The following PAG1 variants were observed in gnomAD, a reference collection of about 807,000 sequenced individuals.
PAG1 encodes the protein phosphoprotein associated with glycosphingolipid-enriched microdomains 1.
Under a neutral mutation model 31.7 loss-of-function variants are expected in PAG1, and 23 were observed. The observed-to-expected ratio is 0.73, with a 90% confidence interval of 0.52 to 1.03. The LOEUF (loss-of-function observed/expected upper bound fraction) is 1.03, where lower values mean the gene tolerates loss of function less well. PAG1 is among the 50% of genes least tolerant of loss of function. PAG1 has a pLI of 0.00. For synonymous variants in PAG1, 214 were observed against 210.3 expected, an observed-to-expected ratio of 1.02 and a Z score of -0.15; for missense variants, 473 against 540.7, an observed-to-expected ratio of 0.87 and a Z score of 1.24.
chr8:81,040,401 G>A (rs531640852), intron 2 of PAG1, among the ~76,000 whole-genome samples: 1 of 151,978 alleles, frequency 6.6e-6, no homozygotes, highest in Admixed American at 6.5e-5. Context: ...TGGTGGCTTA[G>A]CCATTTCACC....
intron 2 of PAG1, among the ~76,000 whole-genome samples, chr8:81,032,031 T>C (rs1246182940): frequency 5.3e-5 from 8 of 152,196 alleles, no homozygotes; most frequent in Non-Finnish European, 1.0e-4. Flanking sequence ...AAGAATAAAG[T>C]TGGATCCTTA....
rs1807073401 is a variant in PAG1 at position 80,971,346 on chromosome 8, G to C, written c.*5198C>G. The C allele has an allele frequency of 6.6e-6, 1 of 152,068 alleles. No homozygotes were observed. Among genetic ancestry groups the C allele is most frequent in the South Asian group, 2.1e-4 (1 of 4,828 alleles). 9.4% of individuals were successfully genotyped at this position (152,068 alleles called of 1,614,324 possible). On this transcript the variant is annotated 3_prime_UTR_variant, in exon 9 of 9. Transcript: ENST00000220597. The stretch of plus-strand genomic sequence containing the variant: ...CTTTTGGTGTAACTATTTTTATGAG[G>C]AAAAAACATTAACAATGAAATGCCA...
chr8:81,007,467 C>CAAAAAAAA (rs10563214), intron 3 of PAG1, among the ~76,000 whole-genome samples: 5 of 128,532 alleles, frequency 3.9e-5, no homozygotes, highest in East Asian at 2.3e-4. Flanking sequence ...TACAAAAATA[C>CAAAAAAAA]AAAAAAAAAA....
intron 1 of PAG1, among the ~76,000 whole-genome samples, chr8:81,087,733 C>T (rs748974116): frequency 3.9e-5 from 6 of 152,154 alleles, no homozygotes; most frequent in African/African-American, 7.2e-5. Context: ...CGGGGATAAG[C>T]GCATGCATGT....
intron 3 of PAG1, among the ~76,000 whole-genome samples, chr8:81,000,839 C>T (rs1023166332): frequency 9.2e-5 from 14 of 152,274 alleles, no homozygotes; most frequent in Admixed American, 2.6e-4. Context: ...GTCACAGCAC[C>T]GTAATATCAG....
At chr8:80,989,945 C>T (rs879715705) in intron 5 of PAG1, among the ~76,000 whole-genome samples, 1 of 152,142 alleles carries the variant, frequency 6.6e-6, no homozygotes, top group Admixed American at 6.5e-5. Context: ...CACCTCACCA[C>T]CCAACTGGCA....
chr8:81,068,908 C>A (rs1035218154), intron 2 of PAG1, among the ~76,000 whole-genome samples: 1 of 152,172 alleles, frequency 6.6e-6, no homozygotes, highest in Admixed American at 6.5e-5. Context: ...CCGGAAAATG[C>A]TCTACATTTC....
At chr8:81,061,150 G>A (rs1374516193) in intron 2 of PAG1, among the ~76,000 whole-genome samples, 1 of 152,190 alleles carries the variant, frequency 6.6e-6, no homozygotes, top group Admixed American at 6.5e-5. Flanking sequence ...GAAGTCGGGG[G>A]ATGAGAAGTG....
At chr8:80,989,850 G>A (rs889062930) in intron 5 of PAG1, among the ~76,000 whole-genome samples, 3 of 152,174 alleles carry the variant, frequency 2.0e-5, no homozygotes, top group Non-Finnish European at 1.5e-5. Flanking sequence ...TGCTGCTGCT[G>A]TGGGTGGAGG....
At chr8:80,989,910 G>A (rs998569614) in intron 5 of PAG1, among the ~76,000 whole-genome samples, 2 of 152,160 alleles carry the variant, frequency 1.3e-5, no homozygotes, top group African/African-American at 4.8e-5. Flanking sequence ...AGTGAGGAAT[G>A]GCGGTGGGAG....
chr8:81,002,744 C>T (rs963323190), intron 3 of PAG1, among the ~76,000 whole-genome samples: 3 of 152,126 alleles, frequency 2.0e-5, no homozygotes, highest in African/African-American at 4.8e-5. Flanking sequence ...TATTAATAGC[C>T]AGGCAAAATA....
chr8:81,049,615 T>C (rs142392738), intron 2 of PAG1, among the ~76,000 whole-genome samples: 83 of 152,388 alleles, frequency 5.4e-4, no homozygotes, highest in African/African-American at 1.9e-3. Context: ...GAATGCTAAC[T>C]GGATGCTAAT....
At chr8:81,012,778 T>C (rs1418291947) in intron 3 of PAG1, among the ~76,000 whole-genome samples, 2 of 152,204 alleles carry the variant, frequency 1.3e-5, no homozygotes, top group Non-Finnish European at 2.9e-5. Context: ...TGAATTTTAA[T>C]GTCAGGAAAA....
intron 2 of PAG1, among the ~76,000 whole-genome samples, chr8:81,038,739 C>T (rs925057137): frequency 6.6e-6 from 1 of 152,034 alleles, no homozygotes; most frequent in African/African-American, 2.4e-5. Flanking sequence ...TTGCAGATAC[C>T]ACAACAGAAC....
At position 81,040,111 on chromosome 8, in the gene PAG1, T is replaced by C. The variant is rs906416718; in HGVS notation, c.-174-10022A>G. 5.3e-5 allele frequency among the ~76,000 whole-genome samples: 8 copies of C among 152,316 alleles called. 1 individual carries two copies. The highest frequency in any genetic ancestry group is 4.8e-5 in the African/African-American group (2 of 41,562). On this transcript the variant is annotated intron_variant, in intron 2 of 8. Transcript: ENST00000220597. ...TTAATTCATGTCTTTGAAAAGTCAC[T>C]CAAAATTCATGCTTATGAGTCCACC...
intron 2 of PAG1, among the ~76,000 whole-genome samples, chr8:81,064,817 A>G (rs1043944960): frequency 5.3e-5 from 8 of 152,224 alleles, no homozygotes; most frequent in African/African-American, 1.4e-4. Flanking sequence ...GAAGACACTG[A>G]CATGCCACCA....
chr8:81,006,115 G>A (rs1275217255), intron 3 of PAG1, among the ~76,000 whole-genome samples: 2 of 151,286 alleles, frequency 1.3e-5, no homozygotes, highest in Admixed American at 6.6e-5. Flanking sequence ...GCTAATATTT[G>A]TATCTTTAGT....
intron 1 of PAG1, among the ~76,000 whole-genome samples, chr8:81,085,777 C>T (rs1809341042): frequency 6.6e-6 from 1 of 152,146 alleles, no homozygotes; most frequent in South Asian, 2.1e-4. Flanking sequence ...TTTGTTTGGT[C>T]AGAGTAAGTC....
At chr8:80,997,830 T>C (rs1807710818) in intron 3 of PAG1, among the ~76,000 whole-genome samples, 1 of 152,216 alleles carries the variant, frequency 6.6e-6, no homozygotes, top group Non-Finnish European at 1.5e-5. Flanking sequence ...CTGGAGACTG[T>C]AATATAATAC....
Sources: allele counts gnomAD v4.1 joint callset (sites outside exome capture counted in the v4.1 genomes callset), GRCh38; gene constraint gnomAD v4.1.1; transcripts MANE v1.5; gene names NCBI Gene and HGNC (gene_info 2026-07-23, HGNC 2026-07-21).